The following ADGRL3 variants were observed in gnomAD, a reference collection of about 807,000 sequenced individuals.
ADGRL3 encodes calcium-independent alpha-latrotoxin receptor 3.
Under a neutral mutation model 153.5 loss-of-function variants are expected in ADGRL3, and 62 were observed. The observed-to-expected ratio is 0.40, with a 90% CI of 0.33 to 0.50. The LOEUF (loss-of-function observed/expected upper bound fraction) is 0.50. Ranked by LOEUF, ADGRL3 falls within the 20% of genes least tolerant of loss-of-function variation. The pLI, the probability that ADGRL3 is intolerant of heterozygous loss-of-function variation, is 0.47. For synonymous variants in ADGRL3, 710 were observed against 672.5 expected, an observed-to-expected ratio of 1.06 and a Z score of -0.86; for missense variants, 1,641 against 1,859.4, an observed-to-expected ratio of 0.88 and a Z score of 2.16.
intron 9 of ADGRL3, among the ~76,000 whole-genome samples, chr4:61,863,657 C>T (rs976451513): frequency 6.7e-6 from 1 of 148,674 alleles, no homozygotes; most frequent in African/African-American, 2.5e-5. Context: ...TTCTTTTCAA[C>T]CATGATTTAA....
At chr4:61,469,301 A>G (rs1407957946) in intron 2 of ADGRL3, among the ~76,000 whole-genome samples, 1 of 152,106 alleles carries the variant, frequency 6.6e-6, no homozygotes, top group Non-Finnish European at 1.5e-5. Flanking sequence ...TCAACTGATA[A>G]TAACAGTGTG....
intron 8 of ADGRL3, among the ~76,000 whole-genome samples, chr4:61,767,617 A>G (rs973839477): frequency 6.6e-6 from 1 of 152,068 alleles, no homozygotes; most frequent in Non-Finnish European, 1.5e-5. Context: ...GAGTTCCAGG[A>G]GCTCTGGGAG....
Position 62,071,046 on chromosome 4 carries a change from T to A in ADGRL3, c.*138T>A, listed in dbSNP as rs1745505136. 3 of 271,304 alleles carry A rather than the reference T, an allele frequency of 1.1e-5. No individual in the cohort carries two copies. Among genetic ancestry groups the A allele is most frequent in the African/African-American group, 2.4e-5 (1 of 42,042 alleles). 16.8% of individuals were successfully genotyped at this position (271,304 alleles called of 1,614,324 possible). The stretch of plus-strand genomic sequence containing the variant: ...TAAAGACAAACACAAACTCTCAGAC[T>A]TTTTTTTTTTTAATGGGATTTTTAG... On this transcript the variant is annotated 3_prime_UTR_variant, in exon 27 of 27. Coordinates refer to ENST00000683033, the MANE Select transcript of ADGRL3 (RefSeq NM_001387552.1).
At chr4:61,907,742 G>T (rs1040065158) in intron 11 of ADGRL3, among the ~76,000 whole-genome samples, 1 of 151,920 alleles carries the variant, frequency 6.6e-6, no homozygotes, top group Non-Finnish European at 1.5e-5. Context: ...GCTATATTTT[G>T]CAAAAATTGA....
At position 62,055,089 on chromosome 4, in the gene ADGRL3, T is replaced by C. The variant is rs182009555; in HGVS notation, c.3814+10540T>C. Among the ~76,000 whole-genome samples the C allele has an allele frequency of 8.9e-4, 135 of 151,852 alleles. 1 individual carries two copies. The highest frequency in any genetic ancestry group is 5.6e-3 in the East Asian group (29 of 5,174). ...ATAAATTGAAAATGTGCACAAGATA[T>C]GACCCAGCAATTTGACTTTTAAGTA... On this transcript the variant is annotated intron_variant, in intron 25 of 26. Coordinates refer to ENST00000683033, the MANE Select transcript of ADGRL3 (RefSeq NM_001387552.1).
chr4:61,445,820 G>A (rs1238924340), intron 2 of ADGRL3, among the ~76,000 whole-genome samples: 2 of 152,122 alleles, frequency 1.3e-5, no homozygotes, highest in Non-Finnish European at 2.9e-5. Context: ...GATCCCATAA[G>A]ATTATAATGG....
At chr4:61,831,581 A>G (rs1384240154) in intron 9 of ADGRL3, among the ~76,000 whole-genome samples, 5 of 152,136 alleles carry the variant, frequency 3.3e-5, no homozygotes, top group Non-Finnish European at 5.9e-5. Flanking sequence ...TATAACTGGC[A>G]TGGACAGCCT....
At chr4:61,221,714 G>A (rs1020273913) in intron 1 of ADGRL3, among the ~76,000 whole-genome samples, 4 of 151,986 alleles carry the variant, frequency 2.6e-5, no homozygotes, top group Admixed American at 1.3e-4. Context: ...TATTAAAAGA[G>A]CTGTTAAACA....
intron 5 of ADGRL3, among the ~76,000 whole-genome samples, chr4:61,624,161 T>A (rs1361325429): frequency 6.6e-6 from 1 of 152,182 alleles, no homozygotes; most frequent in African/African-American, 2.4e-5. Context: ...CCTATTCAAT[T>A]TTCATTTTTA....
intron 6 of ADGRL3, among the ~76,000 whole-genome samples, chr4:61,688,270 T>C (rs537948468): frequency 6.6e-6 from 1 of 152,258 alleles, no homozygotes; most frequent in Non-Finnish European, 1.5e-5. Flanking sequence ...AATTATAATT[T>C]ACATCTTTTT....
At chr4:61,362,664 T>A (rs1311651457) in intron 1 of ADGRL3, among the ~76,000 whole-genome samples, 1 of 152,150 alleles carries the variant, frequency 6.6e-6, no homozygotes, top group East Asian at 1.9e-4. Flanking sequence ...TGGATCATCA[T>A]AAAGGTTTTC....
At position 61,372,961 on chromosome 4, in the gene ADGRL3, G is replaced by A. The variant is rs180733583; in HGVS notation, c.-239-10163G>A. 2.4e-4 allele frequency among the ~76,000 whole-genome samples: 36 copies of A among 152,292 alleles called. 1 individual carries two copies. Among genetic ancestry groups the A allele is most frequent in the East Asian group, 1.7e-3 (9 of 5,174 alleles). ...CCTTTTTTAAGCCCGTCGGAAAAGCGCAGTATTCGGGTGGGAGTGACCCGA... is the reference window on the plus strand; with the variant it reads ...CCTTTTTTAAGCCCGTCGGAAAAGCACAGTATTCGGGTGGGAGTGACCCGA... On this transcript the variant is annotated intron_variant, in intron 1 of 26. Coordinates refer to ENST00000683033, the MANE Select transcript of ADGRL3 (RefSeq NM_001387552.1).
intron 8 of ADGRL3, among the ~76,000 whole-genome samples, chr4:61,789,509 A>G (rs1231205177): frequency 1.3e-5 from 2 of 152,130 alleles, no homozygotes; most frequent in African/African-American, 2.4e-5. Context: ...TATTTTTAAG[A>G]TTTACTTTTT....
Position 61,726,591 on chromosome 4 carries a change from C to T in ADGRL3, c.584-4031C>T, listed in dbSNP as rs559865100. On this transcript the variant is annotated intron_variant, in intron 6 of 26. Transcript: ENST00000683033. ...TATGCAACTGGTTGTGATTAGGTAA[C>T]TGGTTGTGATTTTTTTATTACTTTC... 9.2e-5 allele frequency among the ~76,000 whole-genome samples: 14 copies of T among 152,178 alleles called. No homozygotes were observed. In the South Asian group the frequency reaches 2.1e-3, roughly 23 times the overall value.
chr4:61,518,376 G>A (rs918256666), intron 4 of ADGRL3, among the ~76,000 whole-genome samples: 6 of 115,926 alleles, frequency 5.2e-5, no homozygotes, highest in Admixed American at 1.0e-4. Context: ...TCTGACCCAA[G>A]AATTTCTTGA....
chr4:61,381,574 A>C (rs555901852), intron 1 of ADGRL3, among the ~76,000 whole-genome samples: 1 of 151,932 alleles, frequency 6.6e-6, no homozygotes, highest in African/African-American at 2.4e-5. Context: ...ATCAGGGAGA[A>C]CTTTGTGAAA....
chr4:61,333,472 C>CGGTGTT (rs1188812663), intron 1 of ADGRL3, among the ~76,000 whole-genome samples: 1 of 152,136 alleles, frequency 6.6e-6, no homozygotes, highest in Non-Finnish European at 1.5e-5. Flanking sequence ...ATCACTTATA[C>CGGTGTT]GGTGTTGTAT....
At chr4:62,053,674 T>C (rs889636305) in intron 25 of ADGRL3, among the ~76,000 whole-genome samples, 29 of 151,584 alleles carry the variant, frequency 1.9e-4, no homozygotes, top group Non-Finnish European at 3.4e-4. Flanking sequence ...ATTATGATCA[T>C]AGTATAAAAT....
At chr4:61,314,727 T>C (rs1239374778) in intron 1 of ADGRL3, among the ~76,000 whole-genome samples, 1 of 152,150 alleles carries the variant, frequency 6.6e-6, no homozygotes, top group Non-Finnish European at 1.5e-5. Context: ...AGAGATACTG[T>C]TGGGTTGTCA....
Sources: gnomAD v4.1 joint callset for allele counts (sites outside exome capture counted in the v4.1 genomes callset) on GRCh38, gnomAD v4.1.1 for gene constraint, MANE v1.5 for transcripts, NCBI Gene and HGNC (gene_info 2026-07-23, HGNC 2026-07-21) for gene names.